The following TYR variants were observed in gnomAD, a reference collection of about 807,000 sequenced individuals.
TYR encodes the protein LB24-AB.
TYR carries 58 observed loss-of-function variants against 51.5 expected under a neutral mutation model. That is an observed-to-expected ratio of 1.13 (90% CI 0.91 to 1.40). TYR has a LOEUF of 1.40. TYR is among the 40% of genes most tolerant of loss of function. The probability of loss-of-function intolerance (pLI) is 0.00; values close to 1 mark genes in which losing one functional copy is unlikely to be tolerated. For missense variants in TYR, 732 were observed against 647.4 expected, an observed-to-expected ratio of 1.13 and a Z score of -1.42; for synonymous variants, 263 against 235.2, an observed-to-expected ratio of 1.12 and a Z score of -1.08.
At chr11:89,187,261 A>C (rs1943387081) in intron 1 of TYR, among the ~76,000 whole-genome samples, 1 of 152,164 alleles carries the variant, frequency 6.6e-6, no homozygotes, top group African/African-American at 2.4e-5. Flanking sequence ...AGTCCTGCCT[A>C]GAGCACCACA....
At chr11:89,230,039 G>A (rs1944026663) in intron 3 of TYR, among the ~76,000 whole-genome samples, 1 of 151,904 alleles carries the variant, frequency 6.6e-6, no homozygotes, top group Non-Finnish European at 1.5e-5. Flanking sequence ...TAGAAAAACA[G>A]TCTTCAAATT....
chr11:89,189,227 G>C (rs1943411917), intron 1 of TYR, among the ~76,000 whole-genome samples: 2 of 151,982 alleles, frequency 1.3e-5, no homozygotes, highest in African/African-American at 4.8e-5. Flanking sequence ...CCCTCTCTGA[G>C]TCTCATTTTC....
intron 1 of TYR, 147 bp from the exon 2 acceptor site, chr11:89,191,055 A>T (rs1341328908): frequency 1.4e-6 from 1 of 727,154 alleles, no homozygotes; most frequent in Non-Finnish European, 2.4e-6. Flanking sequence ...ATTTCTCAGA[A>T]CATATCCCTG....
At chr11:89,184,804 G>A (rs1943348027) in intron 1 of TYR, among the ~76,000 whole-genome samples, 1 of 152,084 alleles carries the variant, frequency 6.6e-6, no homozygotes, top group African/African-American at 2.4e-5. Flanking sequence ...CTGTATTACG[G>A]AGCCCAATTT....
intron 3 of TYR, chr11:89,283,945 A>G (rs1444868688): frequency 2.0e-5 from 3 of 151,954 alleles, no homozygotes; most frequent in Non-Finnish European, 4.4e-5. Flanking sequence ...AGGTTCAGAA[A>G]TAGGTGAGAA....
At chr11:89,281,659 C>T (rs988050174) in intron 3 of TYR, among the ~76,000 whole-genome samples, 2 of 151,730 alleles carry the variant, frequency 1.3e-5, no homozygotes, top group Non-Finnish European at 2.9e-5. Flanking sequence ...CCCGCAACTT[C>T]AATTCTCTCA....
At chr11:89,199,438 G>T (rs1295748501) in intron 2 of TYR, among the ~76,000 whole-genome samples, 2 of 152,096 alleles carry the variant, frequency 1.3e-5, no homozygotes, top group South Asian at 2.1e-4. Context: ...AAAGGTGCAG[G>T]TATTATCTTA....
In TYR at chr11:89,276,873, C is replaced by A. The variant is rs1944660953; in HGVS notation, c.1185-7900C>A. Among the ~76,000 whole-genome samples, 6 of 151,750 alleles carry A rather than the reference C, an allele frequency of 4.0e-5. 1 individual carries two copies. In the South Asian group the frequency reaches 1.0e-3, roughly 26 times the overall value. ...TAGTAACAGAGTGGTAGCCAAGACC[C>A]CTTGATTCCAATGTTGGTTGTACCG... On this transcript the variant is annotated intron_variant, in intron 3 of 4. Transcript: ENST00000263321.
intron 1 of TYR, among the ~76,000 whole-genome samples, chr11:89,184,843 T>C (rs1943348756): frequency 6.6e-6 from 1 of 152,172 alleles, no homozygotes; most frequent in Admixed American, 6.6e-5. Context: ...CATAAATTCT[T>C]AAGTTATGTC....
intron 3 of TYR, among the ~76,000 whole-genome samples, chr11:89,232,023 A>G (rs762936126): frequency 7.0e-6 from 1 of 141,848 alleles, no homozygotes; most frequent in Non-Finnish European, 1.5e-5. Context: ...GATCTGTTGT[A>G]CAGCGTGATG....
intron 1 of TYR, among the ~76,000 whole-genome samples, chr11:89,185,159 G>T (rs1591138558): frequency 6.6e-6 from 1 of 152,096 alleles, no homozygotes; most frequent in Non-Finnish European, 1.5e-5. Context: ...TTAGCCTTTT[G>T]TAGTCTTCCA....
At position 89,230,849 on chromosome 11, in the gene TYR, A is replaced by T. The variant is rs538330948; in HGVS notation, c.1184+2879A>T. On this transcript the variant is annotated intron_variant, in intron 3 of 4. Transcript: ENST00000263321. ...TGAGATAATATTAATGTTACTTCACACCTTTTAGAACAGCTATTAATAAAA... is the reference window on the plus strand; with the variant it reads ...TGAGATAATATTAATGTTACTTCACTCCTTTTAGAACAGCTATTAATAAAA... Among the ~76,000 whole-genome samples, 6 of 151,520 alleles carry T rather than the reference A, an allele frequency of 4.0e-5. No individual in the cohort carries two copies. In the South Asian group the frequency reaches 1.3e-3, roughly 32 times the overall value.
rs1311286117 is a variant in TYR at position 89,191,360 on chromosome 11, A to G, written c.978A>G (p.Gln326=). ...TAGAATTTTGCCTGAGTTTGACCCA[A>G]TATGAATCTGGTTCCATGGATAAAG... ...ADVEFCLSLT[Q]YESGSMDKAA... is the part of the protein sequence containing the mutation. The change falls in exon 2 of 5, where the codon CAA becomes CAG. Residue 326 remains glutamine, a synonymous_variant. Coordinates refer to ENST00000263321, the MANE Select transcript of TYR (RefSeq NM_000372.5). 6.2e-6 allele frequency: 10 copies of G among 1,613,654 alleles called. No individual in the cohort carries two copies. The highest frequency in any genetic ancestry group is 2.2e-5 in the South Asian group (2 of 91,088).
chr11:89,272,369 T>G (rs1041309714), intron 3 of TYR, among the ~76,000 whole-genome samples: 1 of 151,820 alleles, frequency 6.6e-6, no homozygotes, highest in Non-Finnish European at 1.5e-5. Flanking sequence ...ACCTTGTCAA[T>G]GTGCAGTAAT....
intron 2 of TYR, among the ~76,000 whole-genome samples, chr11:89,214,628 C>G (rs1943809022): frequency 6.6e-6 from 1 of 152,128 alleles, no homozygotes. Flanking sequence ...TTGGAACCAA[C>G]CCAAATGTCC....
chr11:89,262,653 A>G (rs1944471600), intron 3 of TYR, among the ~76,000 whole-genome samples: 2 of 148,890 alleles, frequency 1.3e-5, no homozygotes, highest in Non-Finnish European at 3.0e-5. Flanking sequence ...CAGGAATGAA[A>G]GAGGGGACAT....
At chr11:89,291,350 T>C (rs963048926) in intron 4 of TYR, among the ~76,000 whole-genome samples, 2 of 152,038 alleles carry the variant, frequency 1.3e-5, no homozygotes, top group African/African-American at 4.8e-5. Context: ...GTAATACTTA[T>C]CTAGCCGTAT....
intron 3 of TYR, among the ~76,000 whole-genome samples, chr11:89,266,803 T>C (rs1944530915): frequency 6.6e-6 from 1 of 151,964 alleles, no homozygotes; most frequent in Non-Finnish European, 1.5e-5. Flanking sequence ...ACCTTGCCTG[T>C]TCATATGCAG....
At position 89,178,236 on chromosome 11, in the gene TYR, T is replaced by C; in HGVS notation, c.283T>C (p.Phe95Leu). 2 of 1,614,184 alleles carry C rather than the reference T, an allele frequency of 1.2e-6. No homozygotes were observed. The highest frequency in any genetic ancestry group is 1.7e-6 in the Non-Finnish European group (2 of 1,180,024). The change falls in exon 1 of 5, where the codon TTC (phenylalanine) becomes CTC (leucine). Residue 95 changes from phenylalanine (F) to leucine (L), a missense_variant. By Grantham distance (22) the Phe-to-Leu change is conservative. Coordinates refer to ENST00000263321, the MANE Select transcript of TYR (RefSeq NM_000372.5). Reference sequence around the variant, plus strand: ...TAGGACCTGCCAGTGCTCTGGCAACTTCATGGGATTCAACTGTGGAAACTG... The same window carrying C: ...TAGGACCTGCCAGTGCTCTGGCAACCTCATGGGATTCAACTGTGGAAACTG... ...YNRTCQCSGNFMGFNCGNCKF... is the reference protein window; with the variant it reads ...YNRTCQCSGNLMGFNCGNCKF...
Sources: gnomAD v4.1 joint callset for allele counts (sites outside exome capture counted in the v4.1 genomes callset) on GRCh38, gnomAD v4.1.1 for gene constraint, MANE v1.5 for transcripts, NCBI Gene and HGNC (gene_info 2026-07-23, HGNC 2026-07-21) for gene names.